The following MCOLN2 variants were observed in gnomAD, a reference collection of about 807,000 sequenced individuals.
MCOLN2 encodes the protein mucolipin TRP cation channel 2.
In MCOLN2, 57 loss-of-function variants were observed where a neutral mutation model predicts 67.5. The observed-to-expected ratio is 0.84, with a 90% CI of 0.68 to 1.05. MCOLN2 has a LOEUF of 1.05. Ranked by LOEUF, MCOLN2 falls within the 50% of genes least tolerant of loss-of-function variation. The pLI, the probability that MCOLN2 is intolerant of heterozygous loss-of-function variation, is 0.00. For missense variants in MCOLN2, 620 were observed against 678.8 expected (o/e 0.91, Z 0.96); for synonymous variants, 246 against 233.3 (o/e 1.05, Z -0.50).
intron 12 of MCOLN2, among the ~76,000 whole-genome samples, chr1:84,930,474 A>C (rs1055317072): frequency 5.3e-5 from 8 of 151,960 alleles, no homozygotes; most frequent in African/African-American, 9.7e-5. Context: ...GCTTAATGAG[A>C]TAACCTACTT....
At chr1:84,982,548 T>C (rs746848553) in intron 1 of MCOLN2, among the ~76,000 whole-genome samples, 8 of 152,198 alleles carry the variant, frequency 5.3e-5, no homozygotes, top group Non-Finnish European at 1.2e-4. Context: ...AATACGTATT[T>C]AGAGAGGGTA....
chr1:84,983,849 G>A (rs1254187732), intron 1 of MCOLN2, among the ~76,000 whole-genome samples: 3 of 151,196 alleles, frequency 2.0e-5, no homozygotes, highest in Non-Finnish European at 4.4e-5. Flanking sequence ...GCTAATTTTT[G>A]TATTTTTAGT....
intron 13 of MCOLN2, among the ~76,000 whole-genome samples, chr1:84,927,899 C>A (rs1488290852): frequency 6.6e-6 from 1 of 152,150 alleles, no homozygotes; most frequent in Non-Finnish European, 1.5e-5. Context: ...GGATTACAGG[C>A]ACGAGCCACC....
intron 7 of MCOLN2, among the ~76,000 whole-genome samples, chr1:84,941,749 T>A (rs1368141845): frequency 1.3e-5 from 2 of 152,320 alleles, no homozygotes; most frequent in East Asian, 3.9e-4. Context: ...CCACTTCTGC[T>A]TCTCAACCTC....
At chr1:84,926,753 A>G (rs1467348561) in intron 13 of MCOLN2, 32 bp from the exon 14 acceptor site, 3 of 1,549,910 alleles carry the variant, frequency 1.9e-6, no homozygotes, top group African/African-American at 2.7e-5. Flanking sequence ...GAAAAGAGGA[A>G]AGATACAATA....
Position 84,952,505 on chromosome 1 carries a change from G to T in MCOLN2, c.591C>A (p.Asp197Glu), listed in dbSNP as rs1287843892. Reference protein sequence around the residue: ...ELDCVQLDLQDLSKKPPDWKN... With the variant: ...ELDCVQLDLQELSKKPPDWKN... ...TCCAGTCCGGAGGCTTCTTGGAGAG[G>T]TCCTGAAGGTCTAATTGAACACAAT... The change falls in exon 5 of 14, where the codon GAC (aspartate) becomes GAA (glutamate). Residue 197 changes from aspartate (D) to glutamate (E), a missense_variant. By Grantham distance (45) the Asp-to-Glu change is conservative. Transcript: ENST00000370608. 6.2e-7 allele frequency: 1 copy of T among 1,611,996 alleles called. No individual in the cohort carries two copies. Among genetic ancestry groups the T allele is most frequent in the Non-Finnish European group, 8.5e-7 (1 of 1,178,062 alleles).
intron 13 of MCOLN2, among the ~76,000 whole-genome samples, chr1:84,928,894 A>G (rs1661277735): frequency 1.3e-5 from 2 of 152,232 alleles, no homozygotes; most frequent in African/African-American, 4.8e-5. Context: ...AAGAAAAAAC[A>G]TATGTAGGGT....
At chr1:84,988,139 G>T (rs1650712560) in intron 1 of MCOLN2, among the ~76,000 whole-genome samples, 1 of 152,136 alleles carries the variant, frequency 6.6e-6, no homozygotes, top group Non-Finnish European at 1.5e-5. Flanking sequence ...AGTGCAATCA[G>T]TGGCCCAGCT....
intron 1 of MCOLN2, among the ~76,000 whole-genome samples, chr1:84,987,579 TAG>T (rs1262534522): frequency 5.2e-4 from 46 of 88,756 alleles, no homozygotes; most frequent in African/African-American, 5.1e-4. Context: ...GATGTATACA[TAG>T]ATATATACAT....
At position 84,952,336 on chromosome 1, in the gene MCOLN2, G is replaced by C; in HGVS notation, c.654C>G (p.Leu218=). 1.9e-6 allele frequency: 3 copies of C among 1,611,458 alleles called. No homozygotes were observed. The highest frequency in any genetic ancestry group is 2.5e-6 in the Non-Finnish European group (3 of 1,177,892). Reference sequence around the variant, plus strand: ...GATGAAAGGAGATTTCAACCTGTAAGAGCCTGAATAAAATATATTGAAAGG... The same window carrying C: ...GATGAAAGGAGATTTCAACCTGTAACAGCCTGAATAAAATATATTGAAAGG... ...SSFFRLEFYR[L]LQVEISFHLK... The change falls in exon 6 of 14, where the codon CTC becomes CTG. Residue 218 remains leucine (L), a synonymous_variant. Transcript: ENST00000370608.
At chr1:84,993,115 G>A (rs903930113) in intron 1 of MCOLN2, among the ~76,000 whole-genome samples, 1 of 152,176 alleles carries the variant, frequency 6.6e-6, no homozygotes, top group African/African-American at 2.4e-5. Context: ...ATTATGTGTT[G>A]TCATTTCAAC....
intron 1 of MCOLN2, among the ~76,000 whole-genome samples, chr1:84,985,961 C>T (rs1300954603): frequency 6.6e-6 from 1 of 151,978 alleles, no homozygotes; most frequent in African/African-American, 2.4e-5. Context: ...TCATATGGAA[C>T]CAAAAAAGAG....
chr1:84,929,662 C>T lies in MCOLN2; in HGVS notation c.1560G>A (p.Gly520=), dbSNP rs763134288. The T allele has an allele frequency of 1.9e-6, 3 of 1,613,364 alleles. No individual in the cohort carries two copies. The highest frequency in any genetic ancestry group is 2.5e-6 in the Non-Finnish European group (3 of 1,179,502). The change falls in exon 13 of 14, where the codon GGG becomes GGA. Residue 520 remains glycine, a synonymous_variant. Coordinates refer to ENST00000370608, the MANE Select transcript of MCOLN2 (RefSeq NM_153259.4). ...YDTIKKFQQN[G]FPETDLQEFL... ...ATTCCTGCAAATCCGTTTCAGGAAA[C>T]CCATTCTGTTGGAATTTCTTTAGAA...
At chr1:84,952,142 G>T in intron 6 of MCOLN2, 101 bp downstream of exon 6, 2 of 715,998 alleles carry the variant, frequency 2.8e-6, no homozygotes, top group Non-Finnish European at 2.4e-6. Flanking sequence ...AAACATGACT[G>T]CATTTAACAC....
intron 1 of MCOLN2, among the ~76,000 whole-genome samples, chr1:84,985,807 G>A (rs1650478238): frequency 1.3e-5 from 2 of 152,088 alleles, no homozygotes; most frequent in South Asian, 4.1e-4. Flanking sequence ...ACAAACAAAT[G>A]GAAACACATC....
chr1:84,948,429 A>G (rs1648233612), intron 6 of MCOLN2, among the ~76,000 whole-genome samples: 2 of 152,232 alleles, frequency 1.3e-5, no homozygotes, highest in Non-Finnish European at 1.5e-5. Flanking sequence ...GGGCCCATCT[A>G]CAGGAAAAAG....
At chr1:84,936,038 C>G (rs945157850) in intron 11 of MCOLN2, among the ~76,000 whole-genome samples, 2 of 152,154 alleles carry the variant, frequency 1.3e-5, no homozygotes, top group Admixed American at 1.3e-4. Context: ...TCAGGCCGAC[C>G]TGGGTTTGAA....
At chr1:84,953,138 G>T (rs1648588051) in intron 4 of MCOLN2, among the ~76,000 whole-genome samples, 1 of 152,188 alleles carries the variant, frequency 6.6e-6, no homozygotes, top group South Asian at 2.1e-4. Flanking sequence ...TGGTTGTGTA[G>T]GAGAATGTTC....
Position 84,939,630 on chromosome 1 carries a change from C to T in MCOLN2, c.1033G>A (p.Gly345Ser), listed in dbSNP as rs745653785. 1.5e-5 allele frequency: 25 copies of T among 1,613,912 alleles called. No homozygotes were observed. The highest frequency in any genetic ancestry group is 1.9e-5 in the Non-Finnish European group (23 of 1,179,816). Residue 345 changes from glycine to serine, a missense_variant, in exon 9 of 14, where the codon GGC becomes AGC. Transcript: ENST00000370608. Reference protein sequence around the residue: ...CDTDQWEFINGWYVLVIISDL... With the variant: ...CDTDQWEFINSWYVLVIISDL... The stretch of plus-strand genomic sequence containing the variant: ...CTGATAATCACCAGGACATACCAGC[C>T]GTTGATGAACTCCCACTGGTCGGTG...
Sources: gnomAD v4.1 joint callset for allele counts (sites outside exome capture counted in the v4.1 genomes callset) on GRCh38, gnomAD v4.1.1 for gene constraint, MANE v1.5 for transcripts, NCBI Gene and HGNC (gene_info 2026-07-23, HGNC 2026-07-21) for gene names.